Variants in ZNF536 observed in about 807,000 individuals in gnomAD.
The protein encoded by ZNF536 is zinc finger protein 536.
In ZNF536, 13 loss-of-function variants were observed where a neutral mutation model predicts 84.5. The observed-to-expected ratio is 0.15, with a 90% CI of 0.10 to 0.24. The LOEUF (loss-of-function observed/expected upper bound fraction) is 0.24. ZNF536 is among the 10% of genes least tolerant of loss of function. The probability of loss-of-function intolerance (pLI) is 1.00; values close to 1 mark genes in which losing one functional copy is unlikely to be tolerated. For synonymous variants in ZNF536, 811 were observed against 742.5 expected, an observed-to-expected ratio of 1.09 and a Z score of -1.50; for missense variants, 1,536 against 1,747.5, an observed-to-expected ratio of 0.88 and a Z score of 2.16.
intron 2 of ZNF536, among the ~76,000 whole-genome samples, chr19:30,351,100 C>A (rs933298361): frequency 9.2e-5 from 14 of 152,200 alleles, no homozygotes; most frequent in Non-Finnish European, 1.5e-4. Context: ...CATGCACAAA[C>A]CCTCAGTTTA....
At chr19:30,392,989 G>A (rs183369583) in intron 1 of ZNF536, among the ~76,000 whole-genome samples, 42 of 152,318 alleles carry the variant, frequency 2.8e-4, no homozygotes, top group African/African-American at 9.4e-4. Context: ...TATGGCACAA[G>A]ATGATAGCAT....
At chr19:30,234,287 G>A (rs1189101031) in intron 1 of ZNF536, among the ~76,000 whole-genome samples, 1 of 152,052 alleles carries the variant, frequency 6.6e-6, no homozygotes, top group Non-Finnish European at 1.5e-5. Flanking sequence ...TGGCTCCTGG[G>A]GAGTATATTT....
At chr19:30,686,534 G>A (rs1048622039) in intron 1 of ZNF536, among the ~76,000 whole-genome samples, 3 of 152,198 alleles carry the variant, frequency 2.0e-5, no homozygotes, top group Non-Finnish European at 4.4e-5. Context: ...GTGGCACCGT[G>A]GCCCAGTGGC....
intron 1 of ZNF536, among the ~76,000 whole-genome samples, chr19:30,410,535 C>T (rs983395222): frequency 1.5e-4 from 20 of 131,022 alleles, no homozygotes; most frequent in Non-Finnish European, 2.1e-4. Flanking sequence ...AGTGCAGTGG[C>T]GCGATCTCGG....
chr19:30,654,927 T>C (rs1399642356), intron 1 of ZNF536, among the ~76,000 whole-genome samples: 2 of 151,954 alleles, frequency 1.3e-5, no homozygotes, highest in African/African-American at 2.4e-5. Flanking sequence ...TTTCAGAAAT[T>C]TTTATTTCTG....
intron 1 of ZNF536, among the ~76,000 whole-genome samples, chr19:30,666,364 C>A (rs1723146553): frequency 6.6e-6 from 1 of 152,128 alleles, no homozygotes; most frequent in African/African-American, 2.4e-5. Context: ...TCCCTCCTGT[C>A]CGCTCTTCTT....
intron 1 of ZNF536, among the ~76,000 whole-genome samples, chr19:30,574,666 A>G (rs1262446273): frequency 6.6e-6 from 1 of 152,206 alleles, no homozygotes; most frequent in African/African-American, 2.4e-5. Context: ...CTTGAAGCCC[A>G]TGTAATCCCA....
At chr19:30,596,869 A>G (rs1005044310) in intron 1 of ZNF536, among the ~76,000 whole-genome samples, 1 of 151,802 alleles carries the variant, frequency 6.6e-6, no homozygotes, top group Non-Finnish European at 1.5e-5. Context: ...AAAAAAAAAA[A>G]AAGTCCTTCC....
intron 2 of ZNF536, among the ~76,000 whole-genome samples, chr19:30,471,069 C>T (rs1414845120): frequency 2.0e-5 from 3 of 151,900 alleles, no homozygotes; most frequent in African/African-American, 4.8e-5. Flanking sequence ...AATCCTCCCA[C>T]CTCGTCCTCC....
chr19:30,436,414 T>G, intron 1 of ZNF536: 3 of 780,276 alleles, frequency 3.8e-6, no homozygotes, highest in Non-Finnish European at 3.1e-6. Flanking sequence ...ACCCCAGTAA[T>G]GTTTGTGATG....
intron 1 of ZNF536, among the ~76,000 whole-genome samples, chr19:30,677,371 G>A (rs1292797957): frequency 6.6e-6 from 1 of 152,206 alleles, no homozygotes; most frequent in South Asian, 2.1e-4. Context: ...TATCAATTTG[G>A]CCTCTGAAAG....
chr19:30,613,862 T>G (rs1475446359), intron 1 of ZNF536, among the ~76,000 whole-genome samples: 1 of 152,194 alleles, frequency 6.6e-6, no homozygotes, highest in Non-Finnish European at 1.5e-5. Context: ...GGTTCTTTTA[T>G]TTATTTATTT....
chr19:30,255,546 G>C (rs2145165865), intron 1 of ZNF536, among the ~76,000 whole-genome samples: 1 of 152,246 alleles, frequency 6.6e-6, no homozygotes, highest in Non-Finnish European at 1.5e-5. Flanking sequence ...AGAAATGCAG[G>C]ATACGATTAC....
chr19:30,304,142 C>T (rs1261662578), intron 2 of ZNF536, among the ~76,000 whole-genome samples: 3 of 152,184 alleles, frequency 2.0e-5, no homozygotes, highest in Non-Finnish European at 4.4e-5. Context: ...TGTGCACAGG[C>T]CTCCTTTCTT....
chr19:30,490,675 C>G (rs1309024207), intron 2 of ZNF536, among the ~76,000 whole-genome samples: 2 of 152,188 alleles, frequency 1.3e-5, no homozygotes. Flanking sequence ...AAAGGGCACT[C>G]TCTCCTAAGT....
At chr19:30,496,573 T>G (rs2054727847) in intron 2 of ZNF536, among the ~76,000 whole-genome samples, 1 of 152,162 alleles carries the variant, frequency 6.6e-6, no homozygotes. Flanking sequence ...GTCTGTTAAC[T>G]GAAGGAACAA....
At chr19:30,307,745 G>A (rs1362166205) in intron 2 of ZNF536, among the ~76,000 whole-genome samples, 4 of 152,192 alleles carry the variant, frequency 2.6e-5, no homozygotes, top group East Asian at 1.9e-4. Context: ...TAAAACCGGC[G>A]ACAATGATTT....
chr19:30,466,763 AGG>A (rs2053427875), intron 2 of ZNF536, among the ~76,000 whole-genome samples: 1 of 69,542 alleles, frequency 1.4e-5, no homozygotes, highest in African/African-American at 8.4e-5. Flanking sequence ...GAGGGAAGGA[AGG>A]AAGGAAGGAA....
intron 1 of ZNF536, among the ~76,000 whole-genome samples, chr19:30,667,197 C>A (rs1419941829): frequency 6.6e-6 from 1 of 152,202 alleles, no homozygotes; most frequent in Non-Finnish European, 1.5e-5. Flanking sequence ...TCCCGAGCAC[C>A]AGGTACTGTC....
Sources: gnomAD v4.1 joint callset for allele counts (sites outside exome capture counted in the v4.1 genomes callset) on GRCh38, gnomAD v4.1.1 for gene constraint, MANE v1.5 for transcripts, NCBI Gene and HGNC (gene_info 2026-07-23, HGNC 2026-07-21) for gene names.